CNTLN: variants seen among roughly 807,000 people sequenced by gnomAD.
CNTLN encodes the protein centlein.
Under a neutral mutation model 180.0 loss-of-function variants are expected in CNTLN, and 212 were observed. That is an observed-to-expected ratio of 1.18 (90% CI 1.05 to 1.32). The LOEUF (loss-of-function observed/expected upper bound fraction) is 1.32, where lower values mean the gene tolerates loss of function less well. Among genes scored for constraint, CNTLN ranks in the 40% most tolerant of loss-of-function variants. CNTLN has a pLI of 0.00. For missense variants in CNTLN, 2,095 were observed against 1,610.9 expected (o/e 1.30, Z -5.14); for synonymous variants, 722 against 563.1 (o/e 1.28, Z -3.99).
intron 12 of CNTLN, among the ~76,000 whole-genome samples, chr9:17,343,506 T>A (rs2133225302): frequency 6.6e-6 from 1 of 152,296 alleles, no homozygotes; most frequent in Non-Finnish European, 1.5e-5. Context: ...GACTAGACCA[T>A]ATGAGATTTA....
intron 13 of CNTLN, among the ~76,000 whole-genome samples, chr9:17,369,610 T>A (rs933364274): frequency 6.6e-6 from 1 of 151,336 alleles, no homozygotes; most frequent in Non-Finnish European, 1.5e-5. Context: ...AATTCTGGAA[T>A]GAAAAATGCA....
At chr9:17,277,316 A>G (rs1462239169) in intron 6 of CNTLN, among the ~76,000 whole-genome samples, 4 of 152,012 alleles carry the variant, frequency 2.6e-5, no homozygotes, top group Non-Finnish European at 4.4e-5. Flanking sequence ...TGAGATGAGA[A>G]TTTTTGTTAG....
At chr9:17,208,407 T>C (rs1823068144) in intron 2 of CNTLN, among the ~76,000 whole-genome samples, 1 of 152,216 alleles carries the variant, frequency 6.6e-6, no homozygotes, top group African/African-American at 2.4e-5. Flanking sequence ...TCAATGTTCA[T>C]CAGGGGTATT....
intron 18 of CNTLN, among the ~76,000 whole-genome samples, chr9:17,424,014 AGGT>A (rs1828912311): frequency 6.6e-6 from 1 of 152,166 alleles, no homozygotes; most frequent in African/African-American, 2.4e-5. Context: ...GTTCTTAGGA[AGGT>A]GCTTTCTTCC....
intron 23 of CNTLN, among the ~76,000 whole-genome samples, chr9:17,478,694 C>T (rs1269848488): frequency 6.6e-6 from 1 of 152,018 alleles, no homozygotes; most frequent in Non-Finnish European, 1.5e-5. Flanking sequence ...AGTCTAATTT[C>T]AATTTTTTTG....
At chr9:17,198,760 A>G (rs1822313587) in intron 2 of CNTLN, among the ~76,000 whole-genome samples, 1 of 146,774 alleles carries the variant, frequency 6.8e-6, no homozygotes, top group Non-Finnish European at 1.5e-5. Flanking sequence ...ACTCCCGCTT[A>G]TGAGTGAGAA....
chr9:17,206,808 T>C (rs1822955490), intron 2 of CNTLN, among the ~76,000 whole-genome samples: 1 of 152,254 alleles, frequency 6.6e-6, no homozygotes, highest in African/African-American at 2.4e-5. Context: ...TCTGTTTCAA[T>C]CTATTCCTAT....
chr9:17,141,416 A>T (rs78463321), intron 1 of CNTLN, among the ~76,000 whole-genome samples: 4 of 152,118 alleles, frequency 2.6e-5, no homozygotes, highest in African/African-American at 7.2e-5. Flanking sequence ...GGAATACTCT[A>T]TGTGAAAGTG....
In CNTLN at chr9:17,302,115, CACACAG is replaced by C. The variant is rs1362655005; in HGVS notation, c.1146+3769_1146+3774del. 4.3e-3 allele frequency: 3,203 copies of C among 748,190 alleles called. 68 individuals carry two copies. The African/African-American group carries it at 0.09, about 21-fold the overall frequency. 46.3% of individuals were successfully genotyped at this position (748,190 alleles called of 1,614,324 possible). On this transcript the variant is annotated intron_variant, in intron 7 of 25. Transcript: ENST00000380647. Reference sequence around the variant, plus strand: ...ACACACACACACACACACACACACACACACAGACACACACACACTGACCTATCCACC... The same window carrying C: ...ACACACACACACACACACACACACACACACACACACACTGACCTATCCACC...
intron 3 of CNTLN, among the ~76,000 whole-genome samples, chr9:17,229,650 T>G (rs1262121173): frequency 6.6e-6 from 1 of 152,142 alleles, no homozygotes; most frequent in Non-Finnish European, 1.5e-5. Flanking sequence ...AAGGGTAATC[T>G]GCTTTTCTCA....
At chr9:17,208,207 C>T (rs550959380) in intron 2 of CNTLN, among the ~76,000 whole-genome samples, 3 of 152,196 alleles carry the variant, frequency 2.0e-5, no homozygotes, top group East Asian at 1.9e-4. Flanking sequence ...TGCTTTTTCA[C>T]GTGACATCAA....
chr9:17,393,801 T>A (rs1171290444), intron 14 of CNTLN, among the ~76,000 whole-genome samples: 1 of 152,190 alleles, frequency 6.6e-6, no homozygotes, highest in East Asian at 1.9e-4. Flanking sequence ...TTGCCCAGAC[T>A]TATGATACTT....
chr9:17,435,629 C>T (rs1045464385), intron 18 of CNTLN, among the ~76,000 whole-genome samples: 2 of 151,000 alleles, frequency 1.3e-5, no homozygotes, highest in African/African-American at 2.4e-5. Flanking sequence ...GGCGCGATCT[C>T]GGCTCACTGC....
intron 25 of CNTLN, among the ~76,000 whole-genome samples, chr9:17,491,661 A>G (rs1278582321): frequency 2.0e-5 from 3 of 152,092 alleles, no homozygotes; most frequent in African/African-American, 7.2e-5. Context: ...CTATATAAAA[A>G]ATTCTGTCTG....
intron 2 of CNTLN, among the ~76,000 whole-genome samples, chr9:17,144,360 C>G (rs1030812972): frequency 2.0e-5 from 3 of 151,994 alleles, no homozygotes; most frequent in African/African-American, 7.2e-5. Context: ...TTGAAGTACC[C>G]TTGTTACTTC....
intron 13 of CNTLN, among the ~76,000 whole-genome samples, chr9:17,377,694 A>G (rs1209054907): frequency 1.3e-5 from 2 of 152,192 alleles, no homozygotes; most frequent in African/African-American, 4.8e-5. Context: ...TTATTGGGTT[A>G]CACCCTTTTT....
intron 8 of CNTLN, among the ~76,000 whole-genome samples, chr9:17,323,969 C>T (rs534575473): frequency 2.0e-5 from 3 of 152,104 alleles, no homozygotes; most frequent in African/African-American, 4.8e-5. Flanking sequence ...ACACAGGTGG[C>T]GTAGCTTTCT....
Position 17,152,343 on chromosome 9 carries a change from G to T in CNTLN, c.449+8967G>T, listed in dbSNP as rs140442676. Among the ~76,000 whole-genome samples the T allele has an allele frequency of 7.2e-5, 11 of 152,272 alleles. No homozygotes were observed. In the East Asian group the frequency reaches 2.1e-3, roughly 29 times the overall value. Reference sequence around the variant, plus strand: ...AACACTGCTTTAGCTGTGTCCCAGAGATTCGGGTATGTTGTCTCTTTGTTC... The same window carrying T: ...AACACTGCTTTAGCTGTGTCCCAGATATTCGGGTATGTTGTCTCTTTGTTC... On this transcript the variant is annotated intron_variant, in intron 2 of 25. Transcript: ENST00000380647.
chr9:17,415,705 A>AAGTAAAG (rs1298165434), intron 16 of CNTLN, 83 bp from the exon 17 acceptor site: 14 of 904,166 alleles, frequency 1.5e-5, no homozygotes, highest in South Asian at 7.8e-5. Context: ...TGTATTTTTT[A>AAGTAAAG]AGTAAAGAGA....
Sources: gnomAD v4.1 joint callset for allele counts (sites outside exome capture counted in the v4.1 genomes callset) on GRCh38, gnomAD v4.1.1 for gene constraint, MANE v1.5 for transcripts, NCBI Gene and HGNC (gene_info 2026-07-23, HGNC 2026-07-21) for gene names.